The following GLI2 variants were observed in gnomAD, a reference collection of about 807,000 sequenced individuals.
GLI2 encodes GLI family zinc finger 2, also known as transcription activator GLI2.
GLI2 carries 22 observed loss-of-function variants against 78.9 expected under a neutral mutation model. That is an observed-to-expected ratio of 0.28 (90% CI 0.20 to 0.40). The LOEUF is 0.40. Ranked by LOEUF, GLI2 falls within the 10% of genes least tolerant of loss-of-function variation. GLI2 has a pLI of 1.00. For synonymous variants in GLI2, 974 were observed against 963.7 expected, an observed-to-expected ratio of 1.01 and a Z score of -0.20; for missense variants, 2,097 against 2,213.2, an observed-to-expected ratio of 0.95 and a Z score of 1.05.
intron 2 of GLI2, among the ~76,000 whole-genome samples, chr2:120,916,854 T>C (rs1679126578): frequency 6.6e-6 from 1 of 152,232 alleles, no homozygotes; most frequent in Non-Finnish European, 1.5e-5. Context: ...TGGGACAATG[T>C]GTCTGAACTA....
intron 2 of GLI2, among the ~76,000 whole-genome samples, chr2:120,801,775 C>A (rs984454608): frequency 6.6e-6 from 1 of 152,196 alleles, no homozygotes; most frequent in Non-Finnish European, 1.5e-5. Context: ...TGGTCAGAGC[C>A]TCTCCTTCAG....
chr2:120,759,719 A>T (rs942698074), intron 1 of GLI2, among the ~76,000 whole-genome samples: 1 of 152,096 alleles, frequency 6.6e-6, no homozygotes, highest in African/African-American at 2.4e-5. Context: ...TTGGTGATCA[A>T]CTTAACCTTC....
chr2:120,925,969 A>G (rs905191999), intron 2 of GLI2, among the ~76,000 whole-genome samples: 1 of 140,672 alleles, frequency 7.1e-6, no homozygotes, highest in Admixed American at 7.7e-5. Flanking sequence ...GCTACTCGGG[A>G]GGCTGAGGCA....
chr2:120,990,472 G>C lies in GLI2; in HGVS notation c.4507G>C (p.Asp1503His), dbSNP rs114814747. ...CTTCGATGCCATCATGGATGATGGCGATCACTCGAGTTTGTTCTCGGGTGC... is the reference window on the plus strand; with the variant it reads ...CTTCGATGCCATCATGGATGATGGCCATCACTCGAGTTTGTTCTCGGGTGC... The part of the protein sequence containing the change: ...IDFDAIMDDG[D>H]HSSLFSGALS... The change falls in exon 14 of 14, where the codon GAT (aspartate) becomes CAT (histidine). Residue 1503 changes from aspartate (D) to histidine (H), a missense_variant. By Grantham distance (81) the Asp-to-His change is moderately conservative. Around this residue, in one of 5 missense-constraint regions of GLI2, gnomAD observed 1,290 missense variants for 1,261.7 expected, o/e 1.02. Coordinates refer to ENST00000361492, the MANE Select transcript of GLI2 (RefSeq NM_001374353.1). 2 of 1,613,814 alleles carry C rather than the reference G, an allele frequency of 1.2e-6. No individual in the cohort carries two copies. Among genetic ancestry groups the C allele is most frequent in the Non-Finnish European group, 1.7e-6 (2 of 1,179,904 alleles).
chr2:120,765,599 G>C (rs2104650494), intron 1 of GLI2, among the ~76,000 whole-genome samples: 2 of 152,348 alleles, frequency 1.3e-5, no homozygotes, highest in East Asian at 3.9e-4. Flanking sequence ...CTGGTTCAGG[G>C]GTGTGCCTGA....
intron 1 of GLI2, among the ~76,000 whole-genome samples, chr2:120,747,745 C>G (rs368657951): frequency 2.0e-5 from 3 of 152,204 alleles, no homozygotes; most frequent in Non-Finnish European, 4.4e-5. Context: ...GGACCCCTCC[C>G]CTATTGACAC....
chr2:120,926,892 G>A (rs376160738), intron 2 of GLI2, among the ~76,000 whole-genome samples: 10 of 152,244 alleles, frequency 6.6e-5, no homozygotes, highest in East Asian at 3.8e-4. Context: ...TGGCGGCACC[G>A]TCTGTGGGCC....
intron 2 of GLI2, among the ~76,000 whole-genome samples, chr2:120,863,711 T>C (rs138869285): frequency 2.6e-5 from 4 of 152,360 alleles, no homozygotes; most frequent in Admixed American, 6.5e-5. Context: ...TGATTTATAA[T>C]ATGTCGACCT....
chr2:120,775,830 A>T (rs1285411698), intron 1 of GLI2, among the ~76,000 whole-genome samples: 1 of 152,310 alleles, frequency 6.6e-6, no homozygotes, highest in East Asian at 1.9e-4. Context: ...AGGCTGGCAG[A>T]TTCCATATGC....
At chr2:120,927,061 G>A (rs984973625) in intron 2 of GLI2, among the ~76,000 whole-genome samples, 7 of 152,234 alleles carry the variant, frequency 4.6e-5, no homozygotes, top group East Asian at 1.9e-4. Context: ...CCTGATTTGC[G>A]GGCTGAGCCC....
intron 2 of GLI2, among the ~76,000 whole-genome samples, chr2:120,876,865 G>C (rs922488820): frequency 1.6e-4 from 25 of 152,258 alleles, no homozygotes; most frequent in African/African-American, 6.0e-4. Flanking sequence ...TTTGGGCCCT[G>C]TTTGCACGGC....
intron 5 of GLI2, among the ~76,000 whole-genome samples, chr2:120,965,474 C>G (rs1315790701): frequency 6.6e-6 from 1 of 150,792 alleles, no homozygotes; most frequent in Non-Finnish European, 1.5e-5. Context: ...CACACTCCAG[C>G]CGGGATGCAG....
chr2:120,956,787 T>G (rs1449638981), intron 5 of GLI2, among the ~76,000 whole-genome samples: 2 of 152,024 alleles, frequency 1.3e-5, no homozygotes, highest in East Asian at 3.9e-4. Context: ...TGTAGCAGGT[T>G]GGGGTGGGCT....
At chr2:120,951,170 A>G (rs1680965118) in intron 3 of GLI2, 73 bp from the exon 4 acceptor site, 5 of 837,624 alleles carry the variant, frequency 6.0e-6, no homozygotes, top group Admixed American at 3.4e-5. Context: ...AGGACTGTCC[A>G]TGTTGGTTTT....
intron 1 of GLI2, among the ~76,000 whole-genome samples, chr2:120,757,601 TC>T (rs1558782160): frequency 6.6e-6 from 1 of 152,240 alleles, no homozygotes; most frequent in African/African-American, 2.4e-5. Context: ...CTGATTCTAT[TC>T]TGCAATGCTC....
At chr2:120,828,271 A>C (rs1390159103) in intron 2 of GLI2, among the ~76,000 whole-genome samples, 1 of 152,212 alleles carries the variant, frequency 6.6e-6, no homozygotes, top group Non-Finnish European at 1.5e-5. Flanking sequence ...AACGTTCGTT[A>C]GTTCTCCCCG....
intron 1 of GLI2, among the ~76,000 whole-genome samples, chr2:120,739,759 G>A (rs1234741726): frequency 5.9e-5 from 9 of 152,228 alleles, no homozygotes. Context: ...AGTGAAACAC[G>A]TGAAGAATGC....
In GLI2 at chr2:120,956,259, G is replaced by C. The variant is rs201822701; in HGVS notation, c.643+829G>C. ...AAGAAGGGAGTTGAAGTTGACCTCA[G>C]GGTCTCGGGCCTGAGCATTTGAAGG... is the stretch of plus-strand genomic sequence containing the variant. On this transcript the variant is annotated intron_variant, in intron 5 of 13. Transcript: ENST00000361492. Among the ~76,000 whole-genome samples the C allele has an allele frequency of 1.8e-4, 27 of 152,272 alleles. No individual in the cohort carries two copies. The East Asian group carries it at 5.0e-3, about 28-fold the overall frequency.
intron 1 of GLI2, among the ~76,000 whole-genome samples, chr2:120,777,227 CTGTG>C (rs139764056): frequency 1.3e-5 from 2 of 151,982 alleles, no homozygotes; most frequent in South Asian, 2.1e-4. Flanking sequence ...CAGAGTATGA[CTGTG>C]TGTGTGTGCT....
Sources: allele counts gnomAD v4.1 joint callset (sites outside exome capture counted in the v4.1 genomes callset), GRCh38; gene constraint gnomAD v4.1.1; regional missense constraint gnomAD v4.1.1; transcripts MANE v1.5; gene names NCBI Gene and HGNC (gene_info 2026-07-23, HGNC 2026-07-21).